The following ITGA9 variants were observed in gnomAD, a reference collection of about 807,000 sequenced individuals.
The protein encoded by ITGA9 is integrin subunit alpha 9, also known as integrin alpha-9.
A neutral mutation model predicts 127.8 loss-of-function variants in ITGA9; 56 were observed. The ratio of observed to expected loss-of-function variants is 0.44; its 90% CI spans 0.35 to 0.55. The LOEUF (loss-of-function observed/expected upper bound fraction) is 0.55, where lower values mean the gene tolerates loss of function less well. ITGA9 is among the 20% of genes least tolerant of loss of function. The pLI is 0.00. For missense variants in ITGA9, 1,196 were observed against 1,347.1 expected (o/e 0.89, Z 1.76); for synonymous variants, 508 against 514.5 (o/e 0.99, Z 0.17).
chr3:37,681,653 G>C (rs1229040050), intron 17 of ITGA9, among the ~76,000 whole-genome samples: 1 of 152,056 alleles, frequency 6.6e-6, no homozygotes, highest in Non-Finnish European at 1.5e-5. Flanking sequence ...CCATTAACTG[G>C]TTATCCGATT....
chr3:37,797,980 C>T (rs2125559991), intron 26 of ITGA9, among the ~76,000 whole-genome samples: 1 of 152,192 alleles, frequency 6.6e-6, no homozygotes, highest in East Asian at 1.9e-4. Flanking sequence ...CCACCATACC[C>T]AACCTATTTA....
intron 17 of ITGA9, among the ~76,000 whole-genome samples, chr3:37,676,521 G>GA: frequency 6.6e-6 from 1 of 152,184 alleles, no homozygotes; most frequent in Admixed American, 6.5e-5. Context: ...CTGGCCTGCA[G>GA]AAAAAAGCCC....
At chr3:37,710,708 A>G (rs1197305714) in intron 18 of ITGA9, among the ~76,000 whole-genome samples, 1 of 152,214 alleles carries the variant, frequency 6.6e-6, no homozygotes, top group Non-Finnish European at 1.5e-5. Flanking sequence ...ACAGGCAGAA[A>G]CCGGGACTGC....
chr3:37,558,754 C>G (rs751052405), intron 15 of ITGA9, among the ~76,000 whole-genome samples: 2 of 152,182 alleles, frequency 1.3e-5, no homozygotes, highest in Non-Finnish European at 2.9e-5. Context: ...CATGACTTGG[C>G]AAGTGAAGCA....
At chr3:37,592,135 C>T (rs1291435079) in intron 15 of ITGA9, among the ~76,000 whole-genome samples, 4 of 152,132 alleles carry the variant, frequency 2.6e-5, no homozygotes, top group African/African-American at 9.7e-5. Context: ...ACTGAGACAT[C>T]TCCCTTTACA....
intron 13 of ITGA9, among the ~76,000 whole-genome samples, chr3:37,532,986 A>T (rs267563): frequency 0.55 from 83,903 of 151,962 alleles, 23,833 homozygotes; most frequent in East Asian, 0.81. Flanking sequence ...TCCCTAATAA[A>T]ATGGAAATTG....
rs1559514770 is a variant in ITGA9 at position 37,473,099 on chromosome 3, A to G, written c.314-255A>G. On this transcript the variant is annotated intron_variant, in intron 2 of 27. Transcript: ENST00000264741. The stretch of plus-strand genomic sequence containing the variant: ...GGTTGCAATGAGCTGAGATCGTGCC[A>G]CTGCACTCCAGCCTGGACGACAGAG... Among the ~76,000 whole-genome samples, 4 of 136,106 alleles carry G rather than the reference A, an allele frequency of 2.9e-5. No homozygotes were observed. The South Asian group carries it at 7.3e-4, about 25-fold the overall frequency. The allele number at this position is 136,106 out of a possible 152,430, so 89.3% of individuals were successfully genotyped here. A position where few individuals can be genotyped will look rare whatever the true frequency, so the allele number is the denominator to read the frequency against.
At chr3:37,598,872 A>C (rs1699891895) in intron 15 of ITGA9, among the ~76,000 whole-genome samples, 1 of 152,020 alleles carries the variant, frequency 6.6e-6, no homozygotes, top group Non-Finnish European at 1.5e-5. Flanking sequence ...TGTGTGTTTT[A>C]AAGGATCCGT....
intron 23 of ITGA9, among the ~76,000 whole-genome samples, chr3:37,764,500 A>C (rs1217193795): frequency 6.7e-6 from 1 of 149,280 alleles, no homozygotes; most frequent in Non-Finnish European, 1.5e-5. Flanking sequence ...AATCAAGGAA[A>C]TCTTAATGGC....
intron 23 of ITGA9, among the ~76,000 whole-genome samples, chr3:37,768,237 A>G (rs11921296): frequency 0.25 from 37,726 of 152,110 alleles, 5,709 homozygotes; most frequent in African/African-American, 0.42. Flanking sequence ...ACCATGAATC[A>G]TGGTTTGCAT....
At chr3:37,790,446 C>A (rs534927067) in intron 26 of ITGA9, 1 of 405,122 alleles carries the variant, frequency 2.5e-6, no homozygotes, top group Non-Finnish European at 5.0e-6. Context: ...CAGCCCCCAT[C>A]TCATAACATG....
chr3:37,761,800 A>G (rs1696726188), intron 23 of ITGA9, among the ~76,000 whole-genome samples: 1 of 152,188 alleles, frequency 6.6e-6, no homozygotes, highest in East Asian at 1.9e-4. Context: ...AAGCCAGCTG[A>G]AGACAGCCAG....
Position 37,709,755 on chromosome 3 carries a change from G to A in ITGA9, c.2068-22957G>A, listed in dbSNP as rs1575203387. Among the ~76,000 whole-genome samples the A allele has an allele frequency of 3.3e-5, 5 of 152,344 alleles. 1 individual carries two copies. The highest frequency in any genetic ancestry group is 1.2e-4 in the African/African-American group (5 of 41,578). On this transcript the variant is annotated intron_variant, in intron 18 of 27. Coordinates refer to ENST00000264741, the MANE Select transcript of ITGA9 (RefSeq NM_002207.3). ...TCACGCTTTGTCTTTAATTTGAGAA[G>A]CTTATGTGGAAGGAAACAGCACATT...
In ITGA9 at chr3:37,684,004, A is replaced by T; in HGVS notation, c.2056A>T (p.Met686Leu). 6.2e-7 allele frequency: 1 copy of T among 1,613,666 alleles called. No individual in the cohort carries two copies. The highest frequency in any genetic ancestry group is 8.5e-7 in the Non-Finnish European group (1 of 1,179,912). The change falls in exon 18 of 28, where the codon ATG becomes TTG. Residue 686 changes from methionine to leucine, a missense_variant. By Grantham distance (15) the Met-to-Leu change is conservative. Coordinates refer to ENST00000264741, the MANE Select transcript of ITGA9 (RefSeq NM_002207.3). Reference sequence around the variant, plus strand: ...TTCCCGGGAGCTCTTCTTCATCAACATGTGGCAGAAGGTAAGGAGGGCATC... The same window carrying T: ...TTCCCGGGAGCTCTTCTTCATCAACTTGTGGCAGAAGGTAAGGAGGGCATC... ...NVSRELFFINMWQKEEMGISC... is the reference protein window; with the variant it reads ...NVSRELFFINLWQKEEMGISC...
chr3:37,531,596 G>A (rs781090598), intron 13 of ITGA9, among the ~76,000 whole-genome samples: 3 of 152,230 alleles, frequency 2.0e-5, no homozygotes, highest in Non-Finnish European at 2.9e-5. Context: ...ATGATGGGGC[G>A]GGCTAGGCTT....
chr3:37,599,810 T>A lies in ITGA9; in HGVS notation c.1690-29377T>A, dbSNP rs183367253. 2.0e-5 allele frequency among the ~76,000 whole-genome samples: 3 copies of A among 152,306 alleles called. No homozygotes were observed. In the East Asian group the frequency reaches 5.8e-4, roughly 29 times the overall value. Reference sequence around the variant, plus strand: ...GTAAATTCTCAGTAGAAAATAACATTTTATGTATTTTGCATGTTTCTCATA... The same window carrying A: ...GTAAATTCTCAGTAGAAAATAACATATTATGTATTTTGCATGTTTCTCATA... On this transcript the variant is annotated intron_variant, in intron 15 of 27. Coordinates refer to ENST00000264741, the MANE Select transcript of ITGA9 (RefSeq NM_002207.3).
intron 26 of ITGA9, 108 bp downstream of exon 26, chr3:37,785,186 G>A (rs1697025054): frequency 1.2e-6 from 1 of 834,694 alleles, no homozygotes; most frequent in East Asian, 2.5e-5. Context: ...GAGCCAAGAT[G>A]TTGGGTTTGT....
intron 3 of ITGA9, among the ~76,000 whole-genome samples, chr3:37,478,335 G>A (rs1399610552): frequency 3.3e-5 from 5 of 152,176 alleles, no homozygotes; most frequent in Non-Finnish European, 7.3e-5. Flanking sequence ...GTGCCTTTGT[G>A]GCCGAAGCAC....
chr3:37,582,787 G>A (rs1699722187), intron 15 of ITGA9, among the ~76,000 whole-genome samples: 1 of 152,144 alleles, frequency 6.6e-6, no homozygotes, highest in South Asian at 2.1e-4. Context: ...TTCTAGTCAG[G>A]AATTATGTCT....
Sources: allele counts gnomAD v4.1 joint callset (sites outside exome capture counted in the v4.1 genomes callset), GRCh38; gene constraint gnomAD v4.1.1; transcripts MANE v1.5; gene names NCBI Gene and HGNC (gene_info 2026-07-23, HGNC 2026-07-21).